Variants in HDAC9 observed in about 807,000 individuals in gnomAD.
The protein encoded by HDAC9 is histone deacetylase 9, also known as MEF-2 interacting transcription repressor (MITR) protein.
In HDAC9, 41 loss-of-function variants were observed where a neutral mutation model predicts 139.4. The ratio of observed to expected loss-of-function variants is 0.29; its 90% CI spans 0.23 to 0.38. HDAC9 has a LOEUF of 0.38. HDAC9 is among the 10% of genes least tolerant of loss of function. The probability of loss-of-function intolerance (pLI) is 1.00; values close to 1 mark genes in which losing one functional copy is unlikely to be tolerated. For missense variants in HDAC9, 1,147 were observed against 1,297.0 expected, an observed-to-expected ratio of 0.88 and a Z score of 1.78; for synonymous variants, 517 against 476.2, an observed-to-expected ratio of 1.09 and a Z score of -1.12.
At chr7:18,193,654 C>T (rs1467410504) in intron 2 of HDAC9, among the ~76,000 whole-genome samples, 2 of 152,148 alleles carry the variant, frequency 1.3e-5, no homozygotes, top group Non-Finnish European at 2.9e-5. Flanking sequence ...AATATTTTCT[C>T]TATATTTGCT....
chr7:18,896,949 C>T (rs187880087), intron 22 of HDAC9, among the ~76,000 whole-genome samples: 1 of 152,048 alleles, frequency 6.6e-6, no homozygotes. Flanking sequence ...ATTCCTGAGA[C>T]CATAAACATG....
rs56020648 is a variant in HDAC9 at position 18,307,097 on chromosome 7, TTGTGTGTGTGTGTGTGTGTGTGTG to T, written c.-42+16606_-42+16629del. Among the ~76,000 whole-genome samples the T allele has an allele frequency of 5.9e-5, 8 of 134,876 alleles. No individual in the cohort carries two copies. In the South Asian group the frequency reaches 7.4e-4, roughly 13 times the overall value. The allele number at this position is 134,876 out of a possible 152,430, so 88.5% of individuals were successfully genotyped here. On this transcript the variant is annotated intron_variant, in intron 1 of 3. Transcript: ENST00000413509. ...CCCTTCAGCTACAGGAGGGCAGTTC[TTGTGTGTGTGTGTGTGTGTGTGTG>T]TGTGTGTGTGTGTGTGTGTGTGTTT... is the stretch of plus-strand genomic sequence containing the variant.
intron 17 of HDAC9, among the ~76,000 whole-genome samples, chr7:18,807,288 T>TGTG (rs1793788516): frequency 6.6e-6 from 1 of 152,164 alleles, no homozygotes; most frequent in African/African-American, 2.4e-5. Flanking sequence ...TGGTATCAGT[T>TGTG]GTTAAGTCTT....
chr7:18,721,357 A>C (rs138767149), intron 12 of HDAC9, among the ~76,000 whole-genome samples: 201 of 152,124 alleles, frequency 1.3e-3, no homozygotes, highest in African/African-American at 4.7e-3. Flanking sequence ...CATACTTAAT[A>C]TGTGATATTA....
At chr7:18,517,829 G>T (rs1034308467) in intron 2 of HDAC9, 5 of 152,288 alleles carry the variant, frequency 3.3e-5, no homozygotes, top group Admixed American at 3.3e-4. Flanking sequence ...GGGTAGTGAA[G>T]ACAAGAATCT....
rs747092698 is a variant in HDAC9, at chr7:18,998,306, T to A, written c.*2244T>A. 4.0e-5 allele frequency: 6 copies of A among 151,648 alleles called. No individual in the cohort carries two copies. Among genetic ancestry groups the A allele is most frequent in the Non-Finnish European group, 8.8e-5 (6 of 68,020 alleles). The allele number at this position is 151,648 out of a possible 1,614,324, so 9.4% of individuals were successfully genotyped here. On this transcript the variant is annotated 3_prime_UTR_variant, in exon 26 of 26. Coordinates refer to ENST00000686413, the MANE Select transcript of HDAC9 (RefSeq NM_178425.4). Reference sequence around the variant, plus strand: ...TTTACTAAAGTTTCCTACAACAGTTTAGCCACATGTTTATGCCAAGCCATT... The same window carrying A: ...TTTACTAAAGTTTCCTACAACAGTTAAGCCACATGTTTATGCCAAGCCATT...
intron 2 of HDAC9, among the ~76,000 whole-genome samples, chr7:18,554,167 A>T (rs1165156264): frequency 6.6e-6 from 1 of 152,164 alleles, no homozygotes; most frequent in Non-Finnish European, 1.5e-5. Context: ...GGAAGATCTG[A>T]AATATACACT....
intron 1 of HDAC9, among the ~76,000 whole-genome samples, chr7:18,436,399 G>A (rs73060376): frequency 0.016 from 2,384 of 152,212 alleles, 40 homozygotes; most frequent in Non-Finnish European, 0.024. Flanking sequence ...GTGAGTAATG[G>A]TAAGGTAAAT....
intron 25 of HDAC9, among the ~76,000 whole-genome samples, chr7:18,990,637 C>G (rs550116289): frequency 1.3e-5 from 2 of 152,374 alleles, no homozygotes; most frequent in Admixed American, 1.3e-4. Flanking sequence ...GCGGGCGCCC[C>G]TCCCCCAGCC....
chr7:18,125,947 G>A (rs1374148283), intron 1 of HDAC9, among the ~76,000 whole-genome samples: 1 of 152,150 alleles, frequency 6.6e-6, no homozygotes, highest in Non-Finnish European at 1.5e-5. Flanking sequence ...TCAACCCTGA[G>A]TCTATCTGGC....
chr7:18,134,558 A>G (rs1248020538), intron 1 of HDAC9, among the ~76,000 whole-genome samples: 7 of 152,198 alleles, frequency 4.6e-5, no homozygotes, highest in Non-Finnish European at 1.0e-4. Context: ...AATTAGTTAC[A>G]AGGACTGCAT....
At chr7:18,233,902 C>T (rs1793641938) in intron 2 of HDAC9, among the ~76,000 whole-genome samples, 1 of 152,188 alleles carries the variant, frequency 6.6e-6, no homozygotes, top group Middle Eastern at 3.4e-3. Flanking sequence ...GGAAACTTGG[C>T]AAATAGGTAA....
intron 16 of HDAC9, among the ~76,000 whole-genome samples, chr7:18,780,295 C>G (rs1304213029): frequency 2.0e-5 from 3 of 151,974 alleles, no homozygotes; most frequent in South Asian, 4.1e-4. Flanking sequence ...GTACTTTATC[C>G]AAATTTAAAA....
At chr7:18,710,689 T>C (rs1455003696) in intron 12 of HDAC9, among the ~76,000 whole-genome samples, 1 of 152,094 alleles carries the variant, frequency 6.6e-6, no homozygotes, top group Non-Finnish European at 1.5e-5. Context: ...TACCTAGGAG[T>C]TGAAAGTACA....
intron 11 of HDAC9, among the ~76,000 whole-genome samples, chr7:18,651,313 T>G (rs1789185809): frequency 6.6e-6 from 1 of 152,164 alleles, no homozygotes; most frequent in Admixed American, 6.6e-5. Flanking sequence ...TCCTTACTCT[T>G]GAGATACTTA....
intron 1 of HDAC9, among the ~76,000 whole-genome samples, chr7:18,392,992 ATAAT>A (rs1786686261): frequency 1.3e-5 from 2 of 151,884 alleles, no homozygotes; most frequent in African/African-American, 2.4e-5. Flanking sequence ...TTTAAAGAAA[ATAAT>A]TAAGTGTGGA....
chr7:18,162,949 G>A (rs1446485630), intron 2 of HDAC9, among the ~76,000 whole-genome samples: 1 of 152,178 alleles, frequency 6.6e-6, no homozygotes, highest in Admixed American at 6.5e-5. Context: ...CATTTTTGGA[G>A]CAAACACAAT....
chr7:18,088,338 C>G (rs181661799), intron 1 of HDAC9, among the ~76,000 whole-genome samples: 192 of 152,246 alleles, frequency 1.3e-3, no homozygotes, highest in African/African-American at 4.3e-3. Context: ...ACTAAATACT[C>G]TTGCTGTGCT....
At chr7:18,657,874 A>T (rs1740168484) in intron 11 of HDAC9, among the ~76,000 whole-genome samples, 3 of 152,042 alleles carry the variant, frequency 2.0e-5, no homozygotes. Flanking sequence ...GGCTGTCATG[A>T]TCTGATTCTT....
Sources: allele counts gnomAD v4.1 joint callset (sites outside exome capture counted in the v4.1 genomes callset), GRCh38; gene constraint gnomAD v4.1.1; transcripts MANE v1.5; gene names NCBI Gene and HGNC (gene_info 2026-07-23, HGNC 2026-07-21).